The following ACACA variants were observed in gnomAD, a reference collection of about 807,000 sequenced individuals.
ACACA encodes acetyl-CoA carboxylase alpha, also known as acetyl-CoA carboxylase 1.
In ACACA, 103 loss-of-function variants were observed where a neutral mutation model predicts 296.1. The observed-to-expected ratio is 0.35, with a 90% confidence interval of 0.30 to 0.41. ACACA has a LOEUF of 0.41. Ranked by LOEUF, ACACA falls within the 10% of genes least tolerant of loss-of-function variation. ACACA has a pLI of 1.00. For synonymous variants in ACACA, 953 were observed against 1,038.6 expected (o/e 0.92, Z 1.58); for missense variants, 1,554 against 2,989.7 (o/e 0.52, Z 11.20).
At chr17:37,233,123 C>G (rs2079940300) in intron 25 of ACACA, among the ~76,000 whole-genome samples, 1 of 152,202 alleles carries the variant, frequency 6.6e-6, no homozygotes, top group Non-Finnish European at 1.5e-5. Flanking sequence ...AGCCTCAAAC[C>G]AGTTCTCTGA....
chr17:37,113,388 C>A lies in ACACA; in HGVS notation c.6275-123G>T. ...TTATACTATGCCTCCTGTTTGGCCA[C>A]CCTATAGACTAAAGGGAGTATCGAC... On this transcript the variant is annotated intron_variant, in intron 50 of 55. Transcript: ENST00000616317. The surrounding 1 kb of genome is among the most constrained non-coding windows in gnomAD (Gnocchi z 4.0). 1 of 946,542 alleles carries A rather than the reference C, an allele frequency of 1.1e-6. No homozygotes were observed. Among genetic ancestry groups the A allele is most frequent in the Non-Finnish European group, 1.7e-6 (1 of 600,266 alleles). 58.6% of individuals were successfully genotyped at this position (946,542 alleles called of 1,614,324 possible).
At position 37,102,309 on chromosome 17, in the gene ACACA, A is replaced by G. The variant is rs2073412427; in HGVS notation, c.6566-4325T>C. Among the ~76,000 whole-genome samples the G allele has an allele frequency of 2.0e-5, 3 of 151,068 alleles. No homozygotes were observed. The South Asian group carries it at 6.3e-4, about 32-fold the overall frequency. ...AACCTCTGCCCCCTGAGTTCAAGCA[A>G]TTCTTCTGCCTCAGACTCCCAAGTA... is the stretch of plus-strand genomic sequence containing the variant. On this transcript the variant is annotated intron_variant, in intron 52 of 55. Coordinates refer to ENST00000616317, the MANE Select transcript of ACACA (RefSeq NM_198834.3).
intron 29 of ACACA, chr17:37,221,374 T>G (rs915239411): frequency 1.5e-5 from 5 of 337,026 alleles, no homozygotes; most frequent in Admixed American, 8.4e-5. Flanking sequence ...TTTTTTGGTC[T>G]AATTGCTGAT....
intron 45 of ACACA, among the ~76,000 whole-genome samples, chr17:37,133,682 A>G (rs182530070): frequency 1.3e-5 from 2 of 152,304 alleles, no homozygotes; most frequent in East Asian, 3.9e-4. Flanking sequence ...TGACCTACGC[A>G]TTTCTTGCCG....
chr17:37,216,158 A>ACC lies in ACACA; in HGVS notation c.3683+5565_3683+5566insGG, dbSNP rs1491144220. 6.1e-3 allele frequency among the ~76,000 whole-genome samples: 583 copies of ACC among 95,398 alleles called. 7 individuals carry two copies. Among genetic ancestry groups the ACC allele is most frequent in the African/African-American group, 0.019 (537 of 28,210 alleles). The allele number at this position is 95,398 out of a possible 152,430, so 62.6% of individuals were successfully genotyped here. On this transcript the variant is annotated intron_variant, in intron 29 of 55. Coordinates refer to ENST00000616317, the MANE Select transcript of ACACA (RefSeq NM_198834.3). Reference sequence around the variant, plus strand: ...CACACACACACACACACACACACACAACATACACATGTTACATATACATAC... The same window carrying ACC: ...CACACACACACACACACACACACACACCACATACACATGTTACATATACATAC...
intron 27 of ACACA, among the ~76,000 whole-genome samples, chr17:37,224,653 G>A (rs944309488): frequency 1.3e-5 from 2 of 148,332 alleles, no homozygotes; most frequent in African/African-American, 2.5e-5. Flanking sequence ...ATGTGTGTGT[G>A]TATATATATA....
At chr17:37,157,980 A>G (rs916770097) in intron 42 of ACACA, among the ~76,000 whole-genome samples, 1 of 152,132 alleles carries the variant, frequency 6.6e-6, no homozygotes, top group Non-Finnish European at 1.5e-5. Context: ...GTAGCTGTGG[A>G]ATTTGTTAGA....
chr17:37,274,055 T>C (rs942480313), intron 9 of ACACA, 138 bp downstream of exon 9: 2 of 755,618 alleles, frequency 2.6e-6, no homozygotes, highest in African/African-American at 1.7e-5. Context: ...GCGTATTCTA[T>C]ACTTTCAAAC....
chr17:37,397,744 G>A (rs563622896), intron 1 of ACACA, among the ~76,000 whole-genome samples: 1 of 152,216 alleles, frequency 6.6e-6, no homozygotes, highest in African/African-American at 2.4e-5. Context: ...TTCGATCCAT[G>A]TTTATACTGA....
chr17:37,379,730 ATC>A (rs1432639868), intron 1 of ACACA, among the ~76,000 whole-genome samples: 1 of 151,132 alleles, frequency 6.6e-6, no homozygotes, highest in Non-Finnish European at 1.5e-5. Flanking sequence ...ATGAGATACC[ATC>A]TCACACCAGT....
chr17:37,156,793 A>G (rs2076270446), intron 42 of ACACA, among the ~76,000 whole-genome samples: 1 of 152,238 alleles, frequency 6.6e-6, no homozygotes, highest in African/African-American at 2.4e-5. Context: ...TTTAAATACT[A>G]TGAGAAATTA....
intron 14 of ACACA, among the ~76,000 whole-genome samples, chr17:37,255,733 TTTTG>T (rs775243806): frequency 2.5e-4 from 38 of 152,052 alleles, no homozygotes; most frequent in African/African-American, 8.2e-4. Flanking sequence ...ACTAGCTGTT[TTTTG>T]TTTGTTTGTT....
Position 37,206,790 on chromosome 17 carries a change from T to G in ACACA, c.3941A>C (p.Glu1314Ala). The stretch of plus-strand genomic sequence containing the variant: ...CCAAAAGGGACATTATACCTTATCC[T>G]CATCATAAAGAGACGTGTGACCTGC... ...PEAGHTSLYD[E>A]DKVPRDEPIH... The change falls in exon 32 of 56, where the codon GAG (glutamate) becomes GCG (alanine). Residue 1314 changes from glutamate to alanine, a missense_variant. Physicochemically the swap from Glu to Ala is moderately radical, Grantham distance 107 (BLOSUM62 -1). This residue lies in a region of ACACA where 179 missense variants were observed against 283.2 expected (regional missense o/e 0.63). Transcript: ENST00000616317. 1.2e-6 allele frequency: 2 copies of G among 1,608,028 alleles called. No homozygotes were observed. Among genetic ancestry groups the G allele is most frequent in the Non-Finnish European group, 1.7e-6 (2 of 1,174,526 alleles).
intron 42 of ACACA, among the ~76,000 whole-genome samples, chr17:37,160,371 G>A (rs1484073424): frequency 6.6e-6 from 1 of 152,182 alleles, no homozygotes. Flanking sequence ...TGAAGAGTAA[G>A]GGCACAACGG....
intron 1 of ACACA, chr17:37,365,359 AC>A (rs1044732768): frequency 2.5e-6 from 2 of 790,412 alleles, no homozygotes; most frequent in African/African-American, 3.8e-5. Flanking sequence ...ATAGTTTGCT[AC>A]CCCCTTTTAT....
chr17:37,227,041 C>G (rs936394428), intron 25 of ACACA, among the ~76,000 whole-genome samples: 7 of 152,022 alleles, frequency 4.6e-5, no homozygotes, highest in Non-Finnish European at 7.4e-5. Flanking sequence ...TCTTCCTGTA[C>G]CAAGAATCAT....
intron 3 of ACACA, among the ~76,000 whole-genome samples, chr17:37,310,294 T>C (rs1394448888): frequency 6.6e-6 from 1 of 152,020 alleles, no homozygotes; most frequent in African/African-American, 2.4e-5. Flanking sequence ...GAGGTGCTAT[T>C]TAGTGAGATG....
At chr17:37,120,195 C>T (rs1233617830) in intron 50 of ACACA, among the ~76,000 whole-genome samples, 1 of 148,288 alleles carries the variant, frequency 6.7e-6, no homozygotes, top group Non-Finnish European at 1.5e-5. Context: ...GCCTGGCCAT[C>T]CTAAGCATTT....
Position 37,289,424 on chromosome 17 carries a change from A to C in ACACA, c.339-4454T>G. The C allele has an allele frequency of 2.2e-6, 3 of 1,349,068 alleles. No homozygotes were observed. The African/African-American group carries it at 4.4e-5, about 20-fold the overall frequency. 83.6% of individuals were successfully genotyped at this position (1,349,068 alleles called of 1,614,324 possible). On this transcript the variant is annotated intron_variant, in intron 3 of 55. Transcript: ENST00000616317. ...GCTAAGGAAGTACCCACACCTTGAA[A>C]ATCAGCAACTGTAAGTATGGCACAA...
Sources: allele counts gnomAD v4.1 joint callset (sites outside exome capture counted in the v4.1 genomes callset), GRCh38; gene constraint gnomAD v4.1.1; regional missense constraint gnomAD v4.1.1; non-coding constraint Gnocchi (gnomAD v3.1); transcripts MANE v1.5; gene names NCBI Gene and HGNC (gene_info 2026-07-23, HGNC 2026-07-21).